GRIP1: variants seen among roughly 807,000 people sequenced by gnomAD.
GRIP1 encodes glutamate receptor-interacting protein 1.
A neutral mutation model predicts 129.9 loss-of-function variants in GRIP1; 45 were observed. The observed-to-expected ratio is 0.35, with a 90% confidence interval of 0.27 to 0.44. The LOEUF (loss-of-function observed/expected upper bound fraction) is 0.44. Ranked by LOEUF, GRIP1 falls within the 20% of genes least tolerant of loss-of-function variation. The pLI is 1.00. For synonymous variants in GRIP1, 530 were observed against 520.8 expected, an observed-to-expected ratio of 1.02 and a Z score of -0.24; for missense variants, 1,196 against 1,396.8, an observed-to-expected ratio of 0.86 and a Z score of 2.29.
At chr12:66,934,160 A>G (rs1039703612) in intron 1 of GRIP1, among the ~76,000 whole-genome samples, 2 of 152,034 alleles carry the variant, frequency 1.3e-5, no homozygotes, top group Non-Finnish European at 2.9e-5. Context: ...TTTTCAGGTC[A>G]TTTCTTACAA....
intron 1 of GRIP1, among the ~76,000 whole-genome samples, chr12:66,950,928 C>A (rs941314887): frequency 3.3e-5 from 5 of 152,142 alleles, no homozygotes; most frequent in Admixed American, 6.6e-5. Flanking sequence ...AAAAGATCAA[C>A]CAGCTCAAAT....
At chr12:66,541,360 A>C (rs1200004713) in intron 3 of GRIP1, among the ~76,000 whole-genome samples, 1 of 152,122 alleles carries the variant, frequency 6.6e-6, no homozygotes, top group Admixed American at 6.5e-5. Flanking sequence ...GATAAACAAA[A>C]TTTTCACTGA....
chr12:66,369,255 C>T (rs2055334180), intron 23 of GRIP1, among the ~76,000 whole-genome samples: 1 of 152,026 alleles, frequency 6.6e-6, no homozygotes, highest in Non-Finnish European at 1.5e-5. Flanking sequence ...TCACACACTG[C>T]CACACAGATG....
intron 1 of GRIP1, among the ~76,000 whole-genome samples, chr12:66,879,914 G>C (rs2040446356): frequency 6.6e-6 from 1 of 152,122 alleles, no homozygotes; most frequent in Non-Finnish European, 1.5e-5. Context: ...CTAAGGTCCA[G>C]ATGCCAGAGT....
At chr12:66,575,070 C>T (rs888958211) in intron 2 of GRIP1, among the ~76,000 whole-genome samples, 1 of 152,180 alleles carries the variant, frequency 6.6e-6, no homozygotes, top group Non-Finnish European at 1.5e-5. Flanking sequence ...CCGTGCCCGG[C>T]CTCCATTCCC....
At chr12:66,705,064 G>A (rs894015561) in intron 1 of GRIP1, among the ~76,000 whole-genome samples, 1 of 152,028 alleles carries the variant, frequency 6.6e-6, no homozygotes, top group African/African-American at 2.4e-5. Flanking sequence ...TTACTACAAA[G>A]TACTTGTTGA....
At position 66,867,232 on chromosome 12, in the gene GRIP1, G is replaced by A. The variant is rs545691760; in HGVS notation, c.58+201818C>T. Among the ~76,000 whole-genome samples, 140 of 151,996 alleles carry A rather than the reference G, an allele frequency of 9.2e-4. 1 individual carries two copies. The East Asian group carries it at 0.01, about 11-fold the overall frequency. Reference sequence around the variant, plus strand: ...TCAAACTCCTGACCTCAGGTGATCCGCCCGCCTCAGCCTCCCAAAGTGTTG... The same window carrying A: ...TCAAACTCCTGACCTCAGGTGATCCACCCGCCTCAGCCTCCCAAAGTGTTG... On this transcript the variant is annotated intron_variant, in intron 1 of 1. Transcript: ENST00000643019.
intron 1 of GRIP1, among the ~76,000 whole-genome samples, chr12:66,917,401 A>C (rs1360906556): frequency 6.6e-6 from 1 of 152,220 alleles, no homozygotes; most frequent in Non-Finnish European, 1.5e-5. Flanking sequence ...CCAGGAATGA[A>C]CTGCTGATTG....
chr12:67,024,892 T>G (rs917746669), intron 1 of GRIP1, among the ~76,000 whole-genome samples: 5 of 152,208 alleles, frequency 3.3e-5, no homozygotes, highest in Admixed American at 3.3e-4. Context: ...CTTATCTCAA[T>G]TTAAAGAAAT....
chr12:66,359,047 G>A (rs967041156), intron 23 of GRIP1, among the ~76,000 whole-genome samples: 4 of 152,150 alleles, frequency 2.6e-5, no homozygotes, highest in African/African-American at 4.8e-5. Flanking sequence ...GGCAGGGACC[G>A]TCGCCACCAT....
intron 1 of GRIP1, among the ~76,000 whole-genome samples, chr12:66,671,490 C>T (rs1420786413): frequency 1.3e-5 from 2 of 152,244 alleles, no homozygotes; most frequent in Non-Finnish European, 2.9e-5. Context: ...TCCCCCATGA[C>T]CCCGCCCTCC....
chr12:66,422,070 G>A (rs2057821287), intron 14 of GRIP1, among the ~76,000 whole-genome samples: 1 of 152,056 alleles, frequency 6.6e-6, no homozygotes, highest in Non-Finnish European at 1.5e-5. Flanking sequence ...GGCCCCTAAA[G>A]TAAGATTTTA....
chr12:67,053,516 C>A (rs955434367), intron 1 of GRIP1, among the ~76,000 whole-genome samples: 1 of 152,124 alleles, frequency 6.6e-6, no homozygotes, highest in Non-Finnish European at 1.5e-5. Flanking sequence ...ACAAAACATT[C>A]CTCTACTGTT....
chr12:66,557,089 T>C (rs865845952), intron 2 of GRIP1, among the ~76,000 whole-genome samples: 17 of 152,096 alleles, frequency 1.1e-4, no homozygotes, highest in Middle Eastern at 3.4e-3. Flanking sequence ...AGAAACACAC[T>C]TCACCTATAA....
At chr12:67,011,230 C>T (rs1592463879) in intron 1 of GRIP1, among the ~76,000 whole-genome samples, 2 of 152,256 alleles carry the variant, frequency 1.3e-5, no homozygotes, top group South Asian at 4.2e-4. Context: ...TCCATTCACC[C>T]CACTGCTTAA....
chr12:66,862,025 TA>T (rs963215023), intron 1 of GRIP1, among the ~76,000 whole-genome samples: 4 of 151,904 alleles, frequency 2.6e-5, no homozygotes, highest in African/African-American at 7.2e-5. Flanking sequence ...AGTCTTCAAT[TA>T]AAAAAAATTA....
At chr12:66,733,253 T>C (rs2036494679) in intron 1 of GRIP1, among the ~76,000 whole-genome samples, 1 of 152,194 alleles carries the variant, frequency 6.6e-6, no homozygotes, top group Non-Finnish European at 1.5e-5. Flanking sequence ...TTGGTTGTGG[T>C]AAAGACTGCT....
intron 1 of GRIP1, among the ~76,000 whole-genome samples, chr12:66,840,427 C>T (rs150018267): frequency 1.3e-5 from 2 of 152,048 alleles, no homozygotes; most frequent in Non-Finnish European, 2.9e-5. Flanking sequence ...TACAAAACAA[C>T]GTAAGAGGCA....
chr12:66,774,227 C>A (rs961281844), intron 1 of GRIP1, among the ~76,000 whole-genome samples: 1 of 152,164 alleles, frequency 6.6e-6, no homozygotes, highest in South Asian at 2.1e-4. Context: ...AAATGGAATT[C>A]ATTAAGATCA....
Sources: gnomAD v4.1 joint callset for allele counts (sites outside exome capture counted in the v4.1 genomes callset) on GRCh38, gnomAD v4.1.1 for gene constraint, MANE v1.5 for transcripts, NCBI Gene and HGNC (gene_info 2026-07-23, HGNC 2026-07-21) for gene names.